LCLAT1: variants seen among roughly 807,000 people sequenced by gnomAD.
The protein encoded by LCLAT1 is lysocardiolipin acyltransferase 1, also known as 1-AGP acyltransferase 8.
Under a neutral mutation model 30.7 loss-of-function variants are expected in LCLAT1, and 11 were observed. The ratio of observed to expected loss-of-function variants is 0.36; its 90% CI spans 0.23 to 0.59. LCLAT1 has a LOEUF of 0.59. Among genes scored for constraint, LCLAT1 ranks in the 20% least tolerant of loss-of-function variants. The pLI is 0.77. For missense variants in LCLAT1, 402 were observed against 458.6 expected, an observed-to-expected ratio of 0.88 and a Z score of 1.13; for synonymous variants, 155 against 151.3, an observed-to-expected ratio of 1.02 and a Z score of -0.18.
At chr2:30,461,920 G>A (rs1022930904) in intron 1 of LCLAT1, among the ~76,000 whole-genome samples, 46 of 151,240 alleles carry the variant, frequency 3.0e-4, no homozygotes, top group Middle Eastern at 3.4e-3. Context: ...ACAGGCGCCC[G>A]CCACCACGCC....
intron 1 of LCLAT1, among the ~76,000 whole-genome samples, chr2:30,502,594 G>C (rs1211447776): frequency 6.6e-6 from 1 of 152,050 alleles, no homozygotes; most frequent in East Asian, 1.9e-4. Context: ...GTCTGGTCTG[G>C]GCATTTCATG....
chr2:30,599,277 C>A (rs190494847), intron 5 of LCLAT1, among the ~76,000 whole-genome samples: 3 of 152,118 alleles, frequency 2.0e-5, no homozygotes, highest in Non-Finnish European at 2.9e-5. Flanking sequence ...CCACTGCACC[C>A]GGCCTTTGAG....
intron 5 of LCLAT1, among the ~76,000 whole-genome samples, chr2:30,622,490 T>A (rs1668309500): frequency 6.6e-6 from 1 of 151,740 alleles, no homozygotes; most frequent in African/African-American, 2.4e-5. Context: ...TAGCTGGAGG[T>A]CAGCCAACAC....
At chr2:30,447,670 G>T (rs895227233) in intron 1 of LCLAT1, 1 of 152,182 alleles carries the variant, frequency 6.6e-6, no homozygotes, top group African/African-American at 2.4e-5. Flanking sequence ...CGAGGGCGAG[G>T]TAGCCGCGGG....
intron 5 of LCLAT1, among the ~76,000 whole-genome samples, chr2:30,608,326 T>TA (rs1667563217): frequency 6.6e-6 from 1 of 151,844 alleles, no homozygotes; most frequent in Non-Finnish European, 1.5e-5. Context: ...TTTATAAGTT[T>TA]AGAGTAAAAA....
chr2:30,614,812 A>G (rs1323126876), intron 5 of LCLAT1, among the ~76,000 whole-genome samples: 1 of 152,192 alleles, frequency 6.6e-6, no homozygotes, highest in Non-Finnish European at 1.5e-5. Context: ...ATCCCAGCCT[A>G]GTTAATAGTA....
chr2:30,634,455 A>G (rs897943015), intron 5 of LCLAT1, among the ~76,000 whole-genome samples: 1 of 152,118 alleles, frequency 6.6e-6, no homozygotes, highest in East Asian at 1.9e-4. Flanking sequence ...GTGAAACCCC[A>G]TCTCTACTAA....
At chr2:30,608,464 C>G (rs979460251) in intron 5 of LCLAT1, among the ~76,000 whole-genome samples, 2 of 151,986 alleles carry the variant, frequency 1.3e-5, no homozygotes, top group African/African-American at 4.8e-5. Flanking sequence ...TTCACATTCA[C>G]TCACCCTCAC....
At chr2:30,590,086 A>G (rs1390801563) in intron 5 of LCLAT1, among the ~76,000 whole-genome samples, 1 of 152,044 alleles carries the variant, frequency 6.6e-6, no homozygotes, top group Non-Finnish European at 1.5e-5. Context: ...TTTCATTTTC[A>G]TTTACATAAT....
At chr2:30,570,833 G>A (rs1665747105) in intron 5 of LCLAT1, among the ~76,000 whole-genome samples, 1 of 152,208 alleles carries the variant, frequency 6.6e-6, no homozygotes, top group Non-Finnish European at 1.5e-5. Flanking sequence ...GAGCAGAGCA[G>A]GAAGAGGCTA....
At chr2:30,589,912 AG>A (rs1310916632) in intron 5 of LCLAT1, among the ~76,000 whole-genome samples, 1 of 152,056 alleles carries the variant, frequency 6.6e-6, no homozygotes, top group East Asian at 1.9e-4. Context: ...TTGTTTGAAA[AG>A]GGTAAATCAA....
At chr2:30,482,002 G>A (rs1683344981) in intron 1 of LCLAT1, among the ~76,000 whole-genome samples, 1 of 152,120 alleles carries the variant, frequency 6.6e-6, no homozygotes, top group Admixed American at 6.6e-5. Flanking sequence ...GTAAAGCTGA[G>A]TATTCAATCT....
At position 30,503,489 on chromosome 2, in the gene LCLAT1, A is replaced by G. The variant is rs1175072543; in HGVS notation, c.-4-22098A>G. On this transcript the variant is annotated intron_variant, in intron 1 of 5. Transcript: ENST00000379509. ...AATTTGAAAAGTAGTCCCTTAAATA[A>G]CAGCTAGGTGGAGTATACTAGAGTT... is the stretch of plus-strand genomic sequence containing the variant. Among the ~76,000 whole-genome samples the G allele has an allele frequency of 3.9e-5, 6 of 152,206 alleles. 1 individual carries two copies. The highest frequency in any genetic ancestry group is 2.6e-4 in the Admixed American group (4 of 15,270).
intron 3 of LCLAT1, among the ~76,000 whole-genome samples, chr2:30,535,953 A>C (rs1374903890): frequency 6.6e-6 from 1 of 152,156 alleles, no homozygotes; most frequent in African/African-American, 2.4e-5. Context: ...GAAATTCAGG[A>C]AAATGGTAGA....
intron 5 of LCLAT1, among the ~76,000 whole-genome samples, chr2:30,599,091 C>G (rs1261298498): frequency 1.3e-5 from 2 of 151,962 alleles, no homozygotes; most frequent in East Asian, 1.9e-4. Context: ...AAGTTATTCT[C>G]CTGCCTCAGC....
chr2:30,628,546 A>T (rs1464676168), intron 5 of LCLAT1, among the ~76,000 whole-genome samples: 1 of 152,214 alleles, frequency 6.6e-6, no homozygotes, highest in Non-Finnish European at 1.5e-5. Flanking sequence ...TAAGGAAAAC[A>T]GTGTGATCTT....
chr2:30,612,815 C>CAGA (rs1553384541), intron 5 of LCLAT1, among the ~76,000 whole-genome samples: 1 of 152,160 alleles, frequency 6.6e-6, no homozygotes, highest in Non-Finnish European at 1.5e-5. Flanking sequence ...ACCCCAGAGA[C>CAGA]AGAAGCTCAG....
Position 30,478,687 on chromosome 2 carries a change from ATAGGTAGG to A in LCLAT1, c.-5+31324_-5+31331del, listed in dbSNP as rs371152962. Among the ~76,000 whole-genome samples the A allele has an allele frequency of 1.1e-4, 14 of 132,652 alleles. 1 individual carries two copies. The highest frequency in any genetic ancestry group is 3.4e-4 in the African/African-American group (13 of 38,542). The allele number at this position is 132,652 out of a possible 152,430, so 87.0% of individuals were successfully genotyped here. On this transcript the variant is annotated intron_variant, in intron 1 of 5. Coordinates refer to ENST00000379509, the MANE Select transcript of LCLAT1 (RefSeq NM_001002257.3). ...TGTCAATAAATAAATAAATAGATAG[ATAGGTAGG>A]TAGGTAGGTAGGTAGGTAGATACAT...
At chr2:30,575,785 A>G (rs916914868) in intron 5 of LCLAT1, among the ~76,000 whole-genome samples, 2 of 152,116 alleles carry the variant, frequency 1.3e-5, no homozygotes, top group African/African-American at 2.4e-5. Context: ...TGTTTCCTTT[A>G]TTTGTATCTC....
Sources: allele counts gnomAD v4.1 joint callset (sites outside exome capture counted in the v4.1 genomes callset), GRCh38; gene constraint gnomAD v4.1.1; transcripts MANE v1.5; gene names NCBI Gene and HGNC (gene_info 2026-07-23, HGNC 2026-07-21).